The following KLF12 variants were observed in gnomAD, a reference collection of about 807,000 sequenced individuals.
The protein encoded by KLF12 is Krueppel-like factor 12.
In KLF12, 9 loss-of-function variants were observed where a neutral mutation model predicts 37.8. The ratio of observed to expected loss-of-function variants is 0.24; its 90% CI spans 0.14 to 0.42. The LOEUF is 0.42. Ranked by LOEUF, KLF12 falls within the 10% of genes least tolerant of loss-of-function variation. The pLI, the probability that KLF12 is intolerant of heterozygous loss-of-function variation, is 1.00. For missense variants in KLF12, 411 were observed against 516.0 expected (o/e 0.80, Z 1.97); for synonymous variants, 208 against 202.1 (o/e 1.03, Z -0.25).
intron 7 of KLF12, 76 bp from the exon 8 acceptor site, chr13:73,695,747 G>T: frequency 7.4e-7 from 1 of 1,345,724 alleles, no homozygotes; most frequent in Non-Finnish European, 1.0e-6. Context: ...ACTCTATTTT[G>T]GGAAACTGGT....
At chr13:74,223,864 A>G in the KLF12 span, among the ~76,000 whole-genome samples, 2 of 151,996 alleles carry the variant, frequency 1.3e-5, no homozygotes, top group Non-Finnish European at 2.9e-5. Flanking sequence ...TCATGTCTGT[A>G]TTATTCACAA....
At chr13:74,065,928 G>A (rs1873889295) in intron 1 of KLF12, among the ~76,000 whole-genome samples, 1 of 151,984 alleles carries the variant, frequency 6.6e-6, no homozygotes, top group Admixed American at 6.6e-5. Flanking sequence ...GACAGAGATG[G>A]AGAAGACTCT....
intron 3 of KLF12, among the ~76,000 whole-genome samples, chr13:73,894,984 T>C (rs1345438486): frequency 6.6e-6 from 1 of 152,212 alleles, no homozygotes; most frequent in Non-Finnish European, 1.5e-5. Context: ...AATCCTCCTA[T>C]ATTTCTTGGC....
At chr13:74,183,554 A>G in the KLF12 span, among the ~76,000 whole-genome samples, 2 of 152,172 alleles carry the variant, frequency 1.3e-5, no homozygotes, top group African/African-American at 2.4e-5. Flanking sequence ...AATCATGACT[A>G]CCAAATTATA....
chr13:73,762,226 A>G (rs1879611155), intron 6 of KLF12, among the ~76,000 whole-genome samples: 1 of 152,150 alleles, frequency 6.6e-6, no homozygotes, highest in Admixed American at 6.6e-5. Flanking sequence ...GGGTATGTAC[A>G]ATATTACCAC....
At chr13:74,158,887 C>T in the KLF12 span, among the ~76,000 whole-genome samples, 1 of 152,080 alleles carries the variant, frequency 6.6e-6, no homozygotes, top group Non-Finnish European at 1.5e-5. Context: ...TAAAAAGTCA[C>T]CCATCAATCA....
chr13:73,704,282 C>T (rs1874765765), intron 7 of KLF12, among the ~76,000 whole-genome samples: 1 of 152,208 alleles, frequency 6.6e-6, no homozygotes, highest in Non-Finnish European at 1.5e-5. Context: ...ACATTTCCAA[C>T]TGGTGGTCTG....
chr13:73,817,324 A>AAAAAAAAAAAAG (rs1184659945), intron 4 of KLF12, among the ~76,000 whole-genome samples: 5 of 97,772 alleles, frequency 5.1e-5, no homozygotes, highest in African/African-American at 1.6e-4. Context: ...GTTTCAAAAA[A>AAAAAAAAAAAAG]AAAAGAAAAG....
At chr13:74,226,456 C>T in the KLF12 span, among the ~76,000 whole-genome samples, 1 of 152,122 alleles carries the variant, frequency 6.6e-6, no homozygotes, top group Non-Finnish European at 1.5e-5. Flanking sequence ...GTTCATTTAA[C>T]AAGTTTGTGG....
chr13:74,124,573 C>T (rs1298258164), intron 1 of KLF12, among the ~76,000 whole-genome samples: 1 of 152,100 alleles, frequency 6.6e-6, no homozygotes, highest in Non-Finnish European at 1.5e-5. Context: ...ACATAAAGTG[C>T]ATTTAAAGTT....
intron 1 of KLF12, among the ~76,000 whole-genome samples, chr13:74,099,530 G>C (rs1555271707): frequency 6.6e-6 from 1 of 152,110 alleles, no homozygotes; most frequent in Non-Finnish European, 1.5e-5. Flanking sequence ...GCAACTCTCA[G>C]GGCCATTCCT....
intron 1 of KLF12, among the ~76,000 whole-genome samples, chr13:74,041,734 C>CA (rs1365165897): frequency 3.1e-5 from 4 of 131,054 alleles, no homozygotes; most frequent in South Asian, 2.5e-4. Flanking sequence ...ACACACACAC[C>CA]CCTTCAAAAC....
intron 1 of KLF12, among the ~76,000 whole-genome samples, chr13:74,039,513 C>T (rs1893347011): frequency 6.6e-6 from 1 of 151,820 alleles, no homozygotes; most frequent in Non-Finnish European, 1.5e-5. Context: ...CTGGGCAACA[C>T]AACGAGACCC....
chr13:73,878,856 A>AG (rs1197676888), intron 3 of KLF12, among the ~76,000 whole-genome samples: 2 of 152,146 alleles, frequency 1.3e-5, no homozygotes, highest in Non-Finnish European at 2.9e-5. Flanking sequence ...CTGGGAGGCC[A>AG]GGGGAGGTGT....
intron 4 of KLF12, among the ~76,000 whole-genome samples, chr13:73,821,994 C>T (rs1883552076): frequency 6.6e-6 from 1 of 152,126 alleles, no homozygotes; most frequent in African/African-American, 2.4e-5. Context: ...TTTGTTTCTC[C>T]AATTATGCTG....
At chr13:74,088,565 G>A (rs1328111314) in intron 1 of KLF12, among the ~76,000 whole-genome samples, 4 of 152,122 alleles carry the variant, frequency 2.6e-5, no homozygotes, top group Non-Finnish European at 5.9e-5. Flanking sequence ...AGGACAAAAA[G>A]AGAAAGATGA....
intron 1 of KLF12, among the ~76,000 whole-genome samples, chr13:74,079,068 A>G (rs1368310853): frequency 6.6e-6 from 1 of 152,158 alleles, no homozygotes; most frequent in Non-Finnish European, 1.5e-5. Context: ...GCACTCAGTA[A>G]ATGTCTATCA....
At chr13:73,966,400 AG>A (rs1416988181) in intron 2 of KLF12, among the ~76,000 whole-genome samples, 1 of 152,226 alleles carries the variant, frequency 6.6e-6, no homozygotes, top group Admixed American at 6.5e-5. Flanking sequence ...AAAAAGTAAA[AG>A]TTTAGAGAAA....
the KLF12 span, among the ~76,000 whole-genome samples, chr13:74,194,201 T>C: frequency 6.6e-6 from 1 of 151,902 alleles, no homozygotes; most frequent in Non-Finnish European, 1.5e-5. Context: ...TTTTCTGGGG[T>C]GGTGGTGGTG....
Sources: gnomAD v4.1 joint callset for allele counts (sites outside exome capture counted in the v4.1 genomes callset) on GRCh38, gnomAD v4.1.1 for gene constraint, MANE v1.5 for transcripts, NCBI Gene and HGNC (gene_info 2026-07-23, HGNC 2026-07-21) for gene names.